Variants in RASA1 observed in about 807,000 individuals in gnomAD.
The protein encoded by RASA1 is ras GTPase-activating protein 1.
Under a neutral mutation model 132.2 loss-of-function variants are expected in RASA1, and 25 were observed. The observed-to-expected ratio is 0.19, with a 90% CI of 0.14 to 0.26. RASA1 has a LOEUF of 0.26. Among genes scored for constraint, RASA1 ranks in the 10% least tolerant of loss-of-function variants. The pLI is 1.00. For missense variants in RASA1, 964 were observed against 1,299.2 expected (o/e 0.74, Z 3.97); for synonymous variants, 477 against 449.9 (o/e 1.06, Z -0.76).
At position 87,285,032 on chromosome 5, in the gene RASA1, C is replaced by CTATT. The variant is rs777115471; in HGVS notation, c.539+16042_539+16043insTATT. ...TTAAAGTGCTGCGGAGATAATGGTA[C>CTATT]CATTTATTTATTTATTTATTTATTT... is the stretch of plus-strand genomic sequence containing the variant. On this transcript the variant is annotated intron_variant, in intron 1 of 24. Transcript: ENST00000274376. 3.4e-3 allele frequency among the ~76,000 whole-genome samples: 469 copies of CTATT among 136,758 alleles called. 2 individuals are homozygous for CTATT. The highest frequency in any genetic ancestry group is 5.2e-3 in the Non-Finnish European group (330 of 63,212). 89.7% of individuals were successfully genotyped at this position (136,758 alleles called of 152,430 possible). A position where few individuals can be genotyped will look rare whatever the true frequency, so the allele number is the denominator to read the frequency against.
At chr5:87,380,624 CA>C (rs759365518) in intron 20 of RASA1, 29 bp downstream of exon 20, 1 of 1,529,466 alleles carries the variant, frequency 6.5e-7, no homozygotes, top group South Asian at 1.1e-5. Flanking sequence ...TTTGTTAAAT[CA>C]CATACTAATA....
Position 87,376,425 on chromosome 5 carries a change from A to G in RASA1, c.2044A>G (p.Lys682Glu). 1 of 1,614,060 alleles carries G rather than the reference A, an allele frequency of 6.2e-7. No homozygotes were observed. The highest frequency in any genetic ancestry group is 8.5e-7 in the Non-Finnish European group (1 of 1,179,984). Residue 682 changes from lysine to glutamate, a missense_variant, in exon 16 of 25, where the codon AAA (lysine) becomes GAA (glutamate). Coordinates refer to ENST00000274376, the MANE Select transcript of RASA1 (RefSeq NM_002890.3). ...FMRCQLSRLQ[K>E]GHATDEWFLL... ...GCGCTGCCAGTTGAGCCGATTACAG[A>G]AAGGGCATGCCACAGATGAATGGTT...
At chr5:87,334,234 G>GGAGC (rs1261775914) in intron 4 of RASA1, among the ~76,000 whole-genome samples, 1 of 152,164 alleles carries the variant, frequency 6.6e-6, no homozygotes, top group Non-Finnish European at 1.5e-5. Flanking sequence ...GAGAACCAGG[G>GGAGC]GAGCCTATGG....
chr5:87,309,847 G>C (rs1384303764), intron 1 of RASA1, among the ~76,000 whole-genome samples: 1 of 152,010 alleles, frequency 6.6e-6, no homozygotes, highest in Admixed American at 6.5e-5. Context: ...ATTCTAAGTT[G>C]ATAACTTTCC....
rs1054847122 is a variant in RASA1 at position 87,278,525 on chromosome 5, G to A, written c.539+9535G>A. On this transcript the variant is annotated intron_variant, in intron 1 of 24. Transcript: ENST00000274376. ...CATGCCACTGCACTCCAGCCTGGGCGACAGAGCGAGACTCTGTCTCAAAAA... is the reference window on the plus strand; with the variant it reads ...CATGCCACTGCACTCCAGCCTGGGCAACAGAGCGAGACTCTGTCTCAAAAA... 4.0e-5 allele frequency among the ~76,000 whole-genome samples: 6 copies of A among 151,778 alleles called. No homozygotes were observed. The East Asian group carries it at 9.7e-4, about 25-fold the overall frequency.
rs183088027 is a variant in RASA1 at position 87,271,981 on chromosome 5, C to T, written c.539+2991C>T. Among the ~76,000 whole-genome samples the T allele has an allele frequency of 6.3e-3, 960 of 151,370 alleles. 5 individuals are homozygous for T. Among genetic ancestry groups the T allele is most frequent in the African/African-American group, 0.014 (576 of 41,240 alleles). ...TAGCTTGGCCAACACGGTGAAACCC[C>T]GTCTCTACTAAAAAAAAAAAATCAG... On this transcript the variant is annotated intron_variant, in intron 1 of 24. Coordinates refer to ENST00000274376, the MANE Select transcript of RASA1 (RefSeq NM_002890.3).
chr5:87,374,246 G>T lies in RASA1; in HGVS notation c.1860G>T (p.Leu620=). The change falls in exon 14 of 25, where the codon CTG becomes CTT. Residue 620 remains leucine (L), a synonymous_variant. Coordinates refer to ENST00000274376, the MANE Select transcript of RASA1 (RefSeq NM_002890.3). The part of the protein sequence containing the change: ...HFTNPYCNIY[L]NSVQVAKTHA... ...CTAATCCATATTGTAACATCTACCT[G>T]AATAGTGTCCAAGTAGCAAAAACTC... The T allele has an allele frequency of 1.3e-6, 2 of 1,599,144 alleles. No individual in the cohort carries two copies. The highest frequency in any genetic ancestry group is 1.1e-5 in the South Asian group (1 of 89,784).
intron 1 of RASA1, among the ~76,000 whole-genome samples, chr5:87,286,901 A>AT (rs1174661847): frequency 2.3e-4 from 34 of 150,116 alleles, no homozygotes; most frequent in Non-Finnish European, 4.2e-4. Flanking sequence ...CATATACACC[A>AT]TATATAAGGA....
At position 87,268,443 on chromosome 5, in the gene RASA1, G is replaced by T; in HGVS notation, c.-9G>T. ...GGGCAGGGTAGGGCAGAGTAGAGCGGGCTTCAACATGATGGCGGCCGAGGC... is the reference window on the plus strand; with the variant it reads ...GGGCAGGGTAGGGCAGAGTAGAGCGTGCTTCAACATGATGGCGGCCGAGGC... On this transcript the variant is annotated 5_prime_UTR_variant, in exon 1 of 25. Transcript: ENST00000274376. 1 of 1,543,522 alleles carries T rather than the reference G, an allele frequency of 6.5e-7. No homozygotes were observed. The highest frequency in any genetic ancestry group is 8.7e-7 in the Non-Finnish European group (1 of 1,143,630).
chr5:87,333,043 T>G (rs911850106), intron 3 of RASA1, among the ~76,000 whole-genome samples: 1 of 152,268 alleles, frequency 6.6e-6, no homozygotes, highest in South Asian at 2.1e-4. Context: ...CATATTACGT[T>G]ATAAAAGCAT....
At chr5:87,364,331 C>A (rs1048956487) in intron 11 of RASA1, among the ~76,000 whole-genome samples, 9 of 152,036 alleles carry the variant, frequency 5.9e-5, no homozygotes, top group Non-Finnish European at 1.3e-4. Flanking sequence ...TAGGAGATCA[C>A]ATTAGTGTTA....
chr5:87,386,516 T>C (rs1471116216), intron 22 of RASA1, among the ~76,000 whole-genome samples: 1 of 152,046 alleles, frequency 6.6e-6, no homozygotes, highest in Non-Finnish European at 1.5e-5. Flanking sequence ...CCAGGCTATG[T>C]GTTACGATTT....
intron 20 of RASA1, 110 bp downstream of exon 20, chr5:87,380,705 C>G (rs1467619495): frequency 2.9e-6 from 3 of 1,018,958 alleles, no homozygotes; most frequent in Non-Finnish European, 4.6e-6. Flanking sequence ...GCTTTTATGT[C>G]AAAGCCCTGT....
intron 20 of RASA1, among the ~76,000 whole-genome samples, chr5:87,383,508 A>T (rs1430690372): frequency 6.6e-6 from 1 of 152,118 alleles, no homozygotes; most frequent in Non-Finnish European, 1.5e-5. Flanking sequence ...ACATTCAAGA[A>T]GCAGATATAT....
intron 1 of RASA1, among the ~76,000 whole-genome samples, chr5:87,276,765 T>C (rs768853144): frequency 1.2e-4 from 18 of 152,192 alleles, no homozygotes; most frequent in Non-Finnish European, 1.9e-4. Flanking sequence ...GAAAGTGTGA[T>C]TAACTTTTGT....
intron 11 of RASA1, among the ~76,000 whole-genome samples, chr5:87,367,268 G>C (rs1199645777): frequency 6.6e-6 from 1 of 152,118 alleles, no homozygotes; most frequent in Non-Finnish European, 1.5e-5. Flanking sequence ...ACCATAGGAT[G>C]CAAATACCAG....
chr5:87,357,415 GATTTTA>G (rs1215295039), intron 9 of RASA1, among the ~76,000 whole-genome samples: 2 of 152,016 alleles, frequency 1.3e-5, no homozygotes, highest in Non-Finnish European at 2.9e-5. Flanking sequence ...TTGAGTTAGT[GATTTTA>G]ATTTTATTTG....
chr5:87,314,062 G>T (rs1756128924), intron 1 of RASA1, among the ~76,000 whole-genome samples: 1 of 152,166 alleles, frequency 6.6e-6, no homozygotes, highest in Admixed American at 6.5e-5. Flanking sequence ...CCAGCTATTC[G>T]GGAGGCTGAG....
intron 1 of RASA1, among the ~76,000 whole-genome samples, chr5:87,302,351 A>T (rs998745593): frequency 6.6e-6 from 1 of 151,742 alleles, no homozygotes; most frequent in Non-Finnish European, 1.5e-5. Flanking sequence ...AACCTCTTTC[A>T]TGAAGAGGTT....
Sources: gnomAD v4.1 joint callset for allele counts (sites outside exome capture counted in the v4.1 genomes callset) on GRCh38, gnomAD v4.1.1 for gene constraint, MANE v1.5 for transcripts, NCBI Gene and HGNC (gene_info 2026-07-23, HGNC 2026-07-21) for gene names.